Variants in SCFD2 observed in about 807,000 individuals in gnomAD.
The protein encoded by SCFD2 is sec1 family domain-containing protein 2.
Under a neutral mutation model 58.9 loss-of-function variants are expected in SCFD2, and 54 were observed. The ratio of observed to expected loss-of-function variants is 0.92; its 90% CI spans 0.74 to 1.15. The LOEUF (loss-of-function observed/expected upper bound fraction) is 1.15. SCFD2 is among the 50% of genes most tolerant of loss of function. The probability of loss-of-function intolerance (pLI) is 0.00; values close to 1 mark genes in which losing one functional copy is unlikely to be tolerated. For synonymous variants in SCFD2, 321 were observed against 335.9 expected, an observed-to-expected ratio of 0.96 and a Z score of 0.49; for missense variants, 805 against 836.6, an observed-to-expected ratio of 0.96 and a Z score of 0.47.
At chr4:52,971,289 TA>T (rs562557188) in intron 5 of SCFD2, among the ~76,000 whole-genome samples, 1 of 152,178 alleles carries the variant, frequency 6.6e-6, no homozygotes, top group South Asian at 2.1e-4. Flanking sequence ...GACAAATGGC[TA>T]ACTAGAATAA....
intron 5 of SCFD2, among the ~76,000 whole-genome samples, chr4:52,984,514 C>T (rs544168076): frequency 1.3e-5 from 2 of 152,170 alleles, no homozygotes; most frequent in African/African-American, 4.8e-5. Context: ...TAGGACTAGA[C>T]TCATAAAAGA....
At chr4:53,043,141 G>C (rs1722940959) in intron 5 of SCFD2, among the ~76,000 whole-genome samples, 2 of 152,162 alleles carry the variant, frequency 1.3e-5, no homozygotes, top group South Asian at 4.1e-4. Flanking sequence ...GCAGGGGTGA[G>C]AGGGAAGGAG....
At chr4:52,923,477 C>CAAATAAATAAATAAATAAATAAAT (rs57571099) in intron 5 of SCFD2, among the ~76,000 whole-genome samples, 1 of 134,362 alleles carries the variant, frequency 7.4e-6, no homozygotes, top group South Asian at 2.7e-4. Flanking sequence ...GACTGCATCT[C>CAAATAAATAAATAAATAAATAAAT]AAATAAATAA....
chr4:53,342,087 G>A (rs1383346477), intron 2 of SCFD2, among the ~76,000 whole-genome samples: 2 of 152,270 alleles, frequency 1.3e-5, no homozygotes, highest in Non-Finnish European at 2.9e-5. Flanking sequence ...ATAATGACAG[G>A]ATCAAATTCA....
chr4:53,237,688 G>A (rs2149017535), intron 4 of SCFD2, among the ~76,000 whole-genome samples: 1 of 135,184 alleles, frequency 7.4e-6, no homozygotes, highest in South Asian at 2.5e-4. Flanking sequence ...TGGCCGGGCA[G>A]AGGGGCTCCT....
intron 3 of SCFD2, among the ~76,000 whole-genome samples, chr4:53,298,692 C>T (rs1577944726): frequency 6.6e-6 from 1 of 152,278 alleles, no homozygotes; most frequent in South Asian, 2.1e-4. Context: ...GGGAGGCACC[C>T]CCCAGTAGCG....
rs550859862 is a variant in SCFD2 at position 53,073,639 on chromosome 4, T to C, written c.1561+71694A>G. Among the ~76,000 whole-genome samples, 13 of 152,168 alleles carry C rather than the reference T, an allele frequency of 8.5e-5. No individual in the cohort carries two copies. The South Asian group carries it at 1.0e-3, about 12-fold the overall frequency. The stretch of plus-strand genomic sequence containing the variant: ...CTGCCAAAAGATCTGCAGACATGAG[T>C]GGGCATAATGACGTACAGACATACT... On this transcript the variant is annotated intron_variant, in intron 5 of 8. Coordinates refer to ENST00000401642, the MANE Select transcript of SCFD2 (RefSeq NM_152540.4).
At chr4:53,237,899 C>CG (rs1465997820) in intron 4 of SCFD2, among the ~76,000 whole-genome samples, 1 of 74,010 alleles carries the variant, frequency 1.4e-5, no homozygotes, top group Non-Finnish European at 2.6e-5. Flanking sequence ...GCTGGCCTGG[C>CG]GGGGGGCTGA....
At chr4:53,107,780 G>C (rs550568144) in intron 5 of SCFD2, among the ~76,000 whole-genome samples, 1 of 152,274 alleles carries the variant, frequency 6.6e-6, no homozygotes, top group African/African-American at 2.4e-5. Flanking sequence ...CATAGTGGAA[G>C]ACTTTAACAC....
intron 2 of SCFD2, among the ~76,000 whole-genome samples, chr4:53,332,109 T>C (rs577271049): frequency 0.014 from 2,067 of 151,730 alleles, 45 homozygotes; most frequent in African/African-American, 0.047. Context: ...TAATCAATAG[T>C]TTACCAACCA....
At chr4:53,219,306 CTTTG>C (rs1192535359) in intron 4 of SCFD2, among the ~76,000 whole-genome samples, 1 of 152,226 alleles carries the variant, frequency 6.6e-6, no homozygotes, top group Non-Finnish European at 1.5e-5. Context: ...TTCGAGGCCA[CTTTG>C]TTTACCTACT....
intron 5 of SCFD2, among the ~76,000 whole-genome samples, chr4:53,143,604 G>T (rs1726230138): frequency 6.6e-6 from 1 of 152,114 alleles, no homozygotes; most frequent in Non-Finnish European, 1.5e-5. Flanking sequence ...CCATAAGAAA[G>T]GTCAACAGTG....
chr4:53,188,411 C>G lies in SCFD2; in HGVS notation c.1312-42829G>C, dbSNP rs185329730. On this transcript the variant is annotated intron_variant, in intron 4 of 8. Transcript: ENST00000401642. ...GCTAGAGGACAAAGTCCTCACACTT[C>G]AAAACTGGTGTGTGTGTGTGTGTGT... Among the ~76,000 whole-genome samples, 83 of 142,206 alleles carry G rather than the reference C, an allele frequency of 5.8e-4. No homozygotes were observed. In the East Asian group the frequency reaches 0.011, roughly 18 times the overall value. The allele number at this position is 142,206 out of a possible 152,430, so 93.3% of individuals were successfully genotyped here.
intron 3 of SCFD2, among the ~76,000 whole-genome samples, chr4:53,293,934 T>C (rs528625098): frequency 6.8e-6 from 1 of 146,744 alleles, no homozygotes; most frequent in Admixed American, 6.9e-5. Flanking sequence ...CCTGTGTCCA[T>C]GTATTTTAAT....
At chr4:53,182,708 C>G (rs1276942458) in intron 4 of SCFD2, among the ~76,000 whole-genome samples, 8 of 151,908 alleles carry the variant, frequency 5.3e-5, no homozygotes, top group African/African-American at 1.2e-4. Context: ...CCATCATAGT[C>G]AACAGGCAAC....
intron 5 of SCFD2, among the ~76,000 whole-genome samples, chr4:53,079,265 C>A (rs933040942): frequency 5.3e-5 from 8 of 152,166 alleles, no homozygotes; most frequent in African/African-American, 1.9e-4. Flanking sequence ...GATGTCCCAG[C>A]TCAAGCAGAC....
chr4:53,325,725 G>A (rs1362907789), intron 2 of SCFD2, among the ~76,000 whole-genome samples: 1 of 152,172 alleles, frequency 6.6e-6, no homozygotes, highest in Non-Finnish European at 1.5e-5. Flanking sequence ...AGCATATATG[G>A]TAGGCATTAT....
chr4:53,040,668 T>C (rs1722876531), intron 5 of SCFD2, among the ~76,000 whole-genome samples: 1 of 152,178 alleles, frequency 6.6e-6, no homozygotes, highest in Non-Finnish European at 1.5e-5. Flanking sequence ...GTTTCCTATC[T>C]TTTCTGCAAA....
intron 4 of SCFD2, among the ~76,000 whole-genome samples, chr4:53,254,201 T>A (rs1452320755): frequency 1.3e-5 from 2 of 152,134 alleles, no homozygotes; most frequent in Admixed American, 1.3e-4. Flanking sequence ...TCACCTTGAA[T>A]CGTAATCCCC....
Sources: gnomAD v4.1 joint callset for allele counts (sites outside exome capture counted in the v4.1 genomes callset) on GRCh38, gnomAD v4.1.1 for gene constraint, MANE v1.5 for transcripts, NCBI Gene and HGNC (gene_info 2026-07-23, HGNC 2026-07-21) for gene names.